CDH18: variants seen among roughly 807,000 people sequenced by gnomAD.
CDH18 encodes cadherin-18.
A neutral mutation model predicts 67.9 loss-of-function variants in CDH18; 31 were observed. The observed-to-expected ratio is 0.46, with a 90% CI of 0.34 to 0.62. The LOEUF (loss-of-function observed/expected upper bound fraction) is 0.62, where lower values mean the gene tolerates loss of function less well. Among genes scored for constraint, CDH18 ranks in the 20% least tolerant of loss-of-function variants. The pLI is 0.01. For synonymous variants in CDH18, 362 were observed against 347.2 expected (o/e 1.04, Z -0.48); for missense variants, 890 against 975.5 (o/e 0.91, Z 1.17).
intron 3 of CDH18, among the ~76,000 whole-genome samples, chr5:19,819,643 T>C (rs775788495): frequency 3.3e-5 from 5 of 152,112 alleles, no homozygotes; most frequent in Non-Finnish European, 7.4e-5. Context: ...GATATTTGAA[T>C]TGGCAAGGGG....
At chr5:19,542,938 T>G (rs1312920111) in intron 9 of CDH18, among the ~76,000 whole-genome samples, 1 of 152,134 alleles carries the variant, frequency 6.6e-6, no homozygotes, top group East Asian at 1.9e-4. Context: ...ATGAAGCTGT[T>G]AAAATTTTTA....
intron 12 of CDH18, among the ~76,000 whole-genome samples, chr5:19,480,350 A>T (rs1312875101): frequency 1.5e-5 from 2 of 136,710 alleles, no homozygotes; most frequent in South Asian, 2.4e-4. Flanking sequence ...TATAAAGTTT[A>T]TTTTATTTAT....
rs1029767058 is a variant in CDH18 at position 19,479,407 on chromosome 5, T to A, written c.1882+3894A>T. ...TGCCGAAAATCATAATCTCATAAAT[T>A]AACTTCAACATTATTTTAAAATTAC... On this transcript the variant is annotated intron_variant, in intron 12 of 12. Coordinates refer to ENST00000382275, the MANE Select transcript of CDH18 (RefSeq NM_004934.5). Among the ~76,000 whole-genome samples, 30 of 152,320 alleles carry A rather than the reference T, an allele frequency of 2.0e-4. 1 individual carries two copies. Among genetic ancestry groups the A allele is most frequent in the Admixed American group, 1.6e-3 (25 of 15,300 alleles).
At chr5:19,987,974 G>C (rs1799736337) in intron 1 of CDH18, 112 bp downstream of exon 1, 1 of 152,210 alleles carries the variant, frequency 6.6e-6, no homozygotes, top group Non-Finnish European at 1.5e-5. Flanking sequence ...ACCCATCGGA[G>C]ATGAAGATTT....
chr5:19,490,392 C>CTTTTTTTTTTT (rs1561183202), intron 11 of CDH18, among the ~76,000 whole-genome samples: 3 of 40,306 alleles, frequency 7.4e-5, no homozygotes, highest in African/African-American at 3.1e-4. Flanking sequence ...ATATAAAAAT[C>CTTTTTTTTTTT]TGTTTTTTTT....
intron 1 of CDH18, among the ~76,000 whole-genome samples, chr5:20,463,132 A>G (rs549444401): frequency 6.6e-6 from 1 of 152,230 alleles, no homozygotes; most frequent in East Asian, 1.9e-4. Flanking sequence ...TTTTGTAAAC[A>G]CAATAGACAA....
At chr5:20,020,181 T>C (rs1345871901) in intron 2 of CDH18, among the ~76,000 whole-genome samples, 6 of 152,162 alleles carry the variant, frequency 3.9e-5, no homozygotes, top group Admixed American at 2.6e-4. Context: ...CAGTGTATGC[T>C]TATATTTGTG....
chr5:19,563,812 G>A (rs1739881574), intron 8 of CDH18, among the ~76,000 whole-genome samples: 1 of 152,116 alleles, frequency 6.6e-6, no homozygotes, highest in Admixed American at 6.6e-5. Flanking sequence ...AATGAATGGG[G>A]CACTGAAGAG....
In CDH18 at chr5:19,792,595, A is replaced by G. The variant is rs1015758037; in HGVS notation, c.229-45359T>C. The stretch of plus-strand genomic sequence containing the variant: ...TCTATCTATCTGTTGATCCATATAT[A>G]CTTTGGTTCAATTTCCCTGGAGAAT... On this transcript the variant is annotated intron_variant, in intron 3 of 12. Coordinates refer to ENST00000382275, the MANE Select transcript of CDH18 (RefSeq NM_004934.5). Among the ~76,000 whole-genome samples the G allele has an allele frequency of 3.3e-5, 5 of 152,216 alleles. 1 individual carries two copies. The East Asian group carries it at 9.7e-4, about 29-fold the overall frequency.
At chr5:20,050,108 T>C (rs746173864) in intron 2 of CDH18, among the ~76,000 whole-genome samples, 1 of 151,816 alleles carries the variant, frequency 6.6e-6, no homozygotes, top group East Asian at 1.9e-4. Flanking sequence ...CTAATACTTA[T>C]AGATATGAGG....
chr5:20,430,359 T>A (rs921779552), intron 1 of CDH18, among the ~76,000 whole-genome samples: 2 of 152,100 alleles, frequency 1.3e-5, no homozygotes, highest in African/African-American at 4.8e-5. Flanking sequence ...CATTCACAGA[T>A]AGGTAAACTG....
chr5:20,446,858 TA>T (rs1445971481), intron 1 of CDH18, among the ~76,000 whole-genome samples: 1 of 152,198 alleles, frequency 6.6e-6, no homozygotes, highest in Non-Finnish European at 1.5e-5. Context: ...TGGTCAGCAG[TA>T]AGTTAACAAA....
At chr5:19,754,517 A>G (rs1313256098) in intron 3 of CDH18, among the ~76,000 whole-genome samples, 2 of 152,178 alleles carry the variant, frequency 1.3e-5, no homozygotes, top group East Asian at 1.9e-4. Flanking sequence ...TTATGAAACA[A>G]TTACTACTAG....
rs750298615 is a variant in CDH18, at chr5:20,255,263, G to C, written c.-518+181C>G. On this transcript the variant is annotated intron_variant, in intron 2 of 14. Coordinates refer to the CDH18 transcript ENST00000507958. ...ACAAAAGTTGAGTTTCTTAAAGAGT[G>C]ATTTTAAAACACAGAAGATGCTAAA... 5.5e-4 allele frequency among the ~76,000 whole-genome samples: 84 copies of C among 152,158 alleles called. No individual in the cohort carries two copies. In the Middle Eastern group the frequency reaches 0.014, roughly 25 times the overall value.
intron 1 of CDH18, among the ~76,000 whole-genome samples, chr5:20,469,774 C>G (rs893652549): frequency 6.6e-6 from 1 of 152,138 alleles, no homozygotes; most frequent in South Asian, 2.1e-4. Flanking sequence ...CATTCAGGAT[C>G]CCTCATTACT....
intron 8 of CDH18, among the ~76,000 whole-genome samples, chr5:19,546,513 C>T (rs1352335947): frequency 2.0e-5 from 3 of 152,142 alleles, no homozygotes. Context: ...AACAGGGATG[C>T]TTCTTCCATT....
intron 7 of CDH18, among the ~76,000 whole-genome samples, chr5:19,582,736 T>G (rs1743473872): frequency 6.6e-6 from 1 of 152,050 alleles, no homozygotes; most frequent in Non-Finnish European, 1.5e-5. Context: ...TGTTTGCCTG[T>G]GTGTGATTAT....
intron 1 of CDH18, among the ~76,000 whole-genome samples, chr5:20,482,446 A>T (rs927930235): frequency 6.6e-6 from 1 of 152,108 alleles, no homozygotes; most frequent in Admixed American, 6.6e-5. Flanking sequence ...GGCCAGTAAT[A>T]CCCTGATACC....
chr5:19,537,743 A>C (rs984809775), intron 9 of CDH18, among the ~76,000 whole-genome samples: 2 of 152,064 alleles, frequency 1.3e-5, no homozygotes, highest in African/African-American at 4.8e-5. Flanking sequence ...TTATCTACTT[A>C]CCTTGTCTTA....
Sources: allele counts gnomAD v4.1 joint callset (sites outside exome capture counted in the v4.1 genomes callset), GRCh38; gene constraint gnomAD v4.1.1; transcripts MANE v1.5; gene names NCBI Gene and HGNC (gene_info 2026-07-23, HGNC 2026-07-21).